The following KCNQ1 variants were observed in gnomAD, a reference collection of about 807,000 sequenced individuals.
The protein encoded by KCNQ1 is potassium voltage-gated channel subfamily KQT member 1.
In KCNQ1, 49 loss-of-function variants were observed where a neutral mutation model predicts 72.4. That is an observed-to-expected ratio of 0.68 (90% CI 0.54 to 0.86). The LOEUF is 0.86. KCNQ1 is among the 40% of genes least tolerant of loss of function. KCNQ1 has a pLI of 0.00. For synonymous variants in KCNQ1, 450 were observed against 412.6 expected, an observed-to-expected ratio of 1.09 and a Z score of -1.10; for missense variants, 790 against 945.1, an observed-to-expected ratio of 0.84 and a Z score of 2.15.
chr11:2,753,751 T>C (rs1487632182), intron 11 of KCNQ1, among the ~76,000 whole-genome samples: 1 of 152,202 alleles, frequency 6.6e-6, no homozygotes, highest in Admixed American at 6.5e-5. Context: ...CCCTGGACCT[T>C]ACTCTAGTTC....
At chr11:2,807,389 G>A (rs1001724648) in intron 15 of KCNQ1, among the ~76,000 whole-genome samples, 22 of 152,168 alleles carry the variant, frequency 1.4e-4, no homozygotes, top group African/African-American at 5.3e-4. Flanking sequence ...AGGCCGGGAG[G>A]GGACCCTCCA....
In KCNQ1 at chr11:2,585,214, G is replaced by A. The variant is rs534906627; in HGVS notation, c.1035G>A (p.Gly345=). 20 of 1,614,010 alleles carry A rather than the reference G, an allele frequency of 1.2e-5. No homozygotes were observed. The highest frequency in any genetic ancestry group is 1.7e-5 in the Non-Finnish European group (20 of 1,179,922). ...GCCTCCTGTCCATTCCTTCCCAGGG[G>A]ATTCTTGGCTCGGGGTTTGCCCTGA... ...FAISFFALPA[G]ILGSGFALKV... Residue 345 remains glycine, a splice_region_variant and synonymous_variant, in exon 8 of 16, where the codon GGG becomes GGA. Coordinates refer to ENST00000155840, the MANE Select transcript of KCNQ1 (RefSeq NM_000218.3).
chr11:2,554,840 G>A (rs150898393), intron 2 of KCNQ1, among the ~76,000 whole-genome samples: 27 of 152,268 alleles, frequency 1.8e-4, no homozygotes, highest in Admixed American at 1.0e-3. Flanking sequence ...AGCAAAATCC[G>A]TGCACAATTT....
Position 2,827,664 on chromosome 11 carries a change from A to T in KCNQ1, c.1795-20103A>T, listed in dbSNP as rs528980559. Among the ~76,000 whole-genome samples, 291 of 150,578 alleles carry T rather than the reference A, an allele frequency of 1.9e-3. 1 individual carries two copies. The highest frequency in any genetic ancestry group is 3.4e-3 in the Non-Finnish European group (229 of 67,770). On this transcript the variant is annotated intron_variant, in intron 15 of 15. Coordinates refer to ENST00000155840, the MANE Select transcript of KCNQ1 (RefSeq NM_000218.3). The surrounding 1 kb of genome is among the most constrained non-coding windows in gnomAD (Gnocchi z 6.7). ...GTCGGGGGGGCGGGGGAGAGCGGCT[A>T]TGGAGACAAGTGGCTGTTTTGCCAG...
At chr11:2,775,938 T>G (rs1370028797) in intron 12 of KCNQ1, 22 bp from the exon 13 acceptor site, 2 of 1,551,356 alleles carry the variant, frequency 1.3e-6, no homozygotes, top group African/African-American at 1.4e-5. Flanking sequence ...GGAGAAGTGA[T>G]GCGTGTCTTT....
Position 2,627,507 on chromosome 11 carries a change from G to A in KCNQ1, c.1394-34454G>A. 2.5e-6 allele frequency: 1 copy of A among 398,458 alleles called. No homozygotes were observed. The highest frequency in any genetic ancestry group is 4.4e-6 in the Non-Finnish European group (1 of 226,036). The allele number at this position is 398,458 out of a possible 1,614,324, so 24.7% of individuals were successfully genotyped here. A position where few individuals can be genotyped will look rare whatever the true frequency, so the allele number is the denominator to read the frequency against. On this transcript the variant is annotated intron_variant, in intron 10 of 15. Coordinates refer to ENST00000155840, the MANE Select transcript of KCNQ1 (RefSeq NM_000218.3). This position sits in a 1 kb window ranked among gnomAD's most constrained non-coding sequence, Gnocchi z 4.9. ...ACCCTTCTACTCTCCGTTTCTCTGA[G>A]TTCAAGCTTTTTAGAATTCCATATG...
In KCNQ1 at chr11:2,744,895, C is replaced by T. The variant is rs879717805; in HGVS notation, c.1515-23949C>T. Among the ~76,000 whole-genome samples, 54 of 152,080 alleles carry T rather than the reference C, an allele frequency of 3.6e-4. 2 individuals carry two copies. Among genetic ancestry groups the T allele is most frequent in the Non-Finnish European group, 4.4e-5 (3 of 68,026 alleles). On this transcript the variant is annotated intron_variant, in intron 11 of 15. Coordinates refer to ENST00000155840, the MANE Select transcript of KCNQ1 (RefSeq NM_000218.3). ...CTTCCCCACCTGCCCTGCAGCCATT[C>T]CATCCTGTCTATGGTGGTCGATGGT...
rs1263114845 is a variant in KCNQ1, at chr11:2,515,528, G to A, written c.387-12400G>A. On this transcript the variant is annotated intron_variant, in intron 1 of 15. Coordinates refer to ENST00000155840, the MANE Select transcript of KCNQ1 (RefSeq NM_000218.3). This position sits in a 1 kb window ranked among gnomAD's most constrained non-coding sequence, Gnocchi z 4.7. ...CGCAGCCGCCATCAGTGGGGGTGAGGGGACAAGGCTGCTGGGACCAGGCCT... is the reference window on the plus strand; with the variant it reads ...CGCAGCCGCCATCAGTGGGGGTGAGAGGACAAGGCTGCTGGGACCAGGCCT... Among the ~76,000 whole-genome samples, 4 of 152,114 alleles carry A rather than the reference G, an allele frequency of 2.6e-5. No individual in the cohort carries two copies. Among genetic ancestry groups the A allele is most frequent in the African/African-American group, 9.7e-5 (4 of 41,426 alleles).
rs1039888229 is a variant in KCNQ1 at position 2,578,682 on chromosome 11, G to A, written c.922-4753G>A. Among the ~76,000 whole-genome samples the A allele has an allele frequency of 9.2e-5, 14 of 152,376 alleles. No individual in the cohort carries two copies. The South Asian group carries it at 1.0e-3, about 11-fold the overall frequency. Reference sequence around the variant, plus strand: ...CATGGGATGTCCCGGAGCCCCTGCCGCCCTCCTTGGAGCTGTGGGGCTGAG... The same window carrying A: ...CATGGGATGTCCCGGAGCCCCTGCCACCCTCCTTGGAGCTGTGGGGCTGAG... On this transcript the variant is annotated intron_variant, in intron 6 of 15. Transcript: ENST00000155840.
chr11:2,710,430 C>G lies in KCNQ1; in HGVS notation c.1514+48349C>G, dbSNP rs1850983889. Among the ~76,000 whole-genome samples the G allele has an allele frequency of 6.6e-6, 1 of 152,030 alleles. No homozygotes were observed. Among genetic ancestry groups the G allele is most frequent in the Non-Finnish European group, 1.5e-5 (1 of 67,990 alleles). The stretch of plus-strand genomic sequence containing the variant: ...TATTTTCTTCCTTTTTGTGGGTTGT[C>G]TTTTCACTTTCTTGATCATGTCCTT... On this transcript the variant is annotated intron_variant, in intron 11 of 15. Coordinates refer to ENST00000155840, the MANE Select transcript of KCNQ1 (RefSeq NM_000218.3). This position sits in a 1 kb window ranked among gnomAD's most constrained non-coding sequence, Gnocchi z 4.1.
chr11:2,709,744 AC>A, intron 11 of KCNQ1, among the ~76,000 whole-genome samples: 1 of 152,044 alleles, frequency 6.6e-6, no homozygotes, highest in Non-Finnish European at 1.5e-5. Flanking sequence ...CACTAAGCAG[AC>A]TTTTGTGGCT....
chr11:2,847,712 T>C lies in KCNQ1; in HGVS notation c.1795-55T>C, dbSNP rs1468308461. 25 of 1,515,694 alleles carry C rather than the reference T, an allele frequency of 1.6e-5. No homozygotes were observed. The East Asian group carries it at 4.3e-4, about 26-fold the overall frequency. The allele number at this position is 1,515,694 out of a possible 1,614,324, so 93.9% of individuals were successfully genotyped here. On this transcript the variant is annotated intron_variant, in intron 15 of 15. Transcript: ENST00000155840. ...CCCAAACCTGGGCCCTGAGGCTGTC[T>C]GCACACCTGGGTGCTTCCCACCACT...
At chr11:2,819,831 C>T (rs572413570) in intron 15 of KCNQ1, among the ~76,000 whole-genome samples, 48 of 152,234 alleles carry the variant, frequency 3.2e-4, no homozygotes, top group South Asian at 2.9e-3. Flanking sequence ...GATTTTCTAC[C>T]ACATAAGCCA....
intron 10 of KCNQ1, chr11:2,649,314 T>C (rs952116317): frequency 2.5e-6 from 1 of 398,428 alleles, no homozygotes; most frequent in Non-Finnish European, 4.4e-6. Context: ...TGCAATTTTT[T>C]GGTTTTCTGT....
chr11:2,465,727 C>T (rs962223609), intron 1 of KCNQ1, among the ~76,000 whole-genome samples: 1 of 152,292 alleles, frequency 6.6e-6, no homozygotes, highest in Non-Finnish European at 1.5e-5. Context: ...AGAAGGTTTA[C>T]GGAGGAGTGG....
intron 11 of KCNQ1, among the ~76,000 whole-genome samples, chr11:2,717,735 C>T (rs183990131): frequency 1.1e-3 from 173 of 152,278 alleles, no homozygotes; most frequent in African/African-American, 3.6e-3. Context: ...CAGGAGGTGC[C>T]GCAGGGCAGC....
rs1455856043 is a variant in KCNQ1 at position 2,579,286 on chromosome 11, C to T, written c.922-4149C>T. Among the ~76,000 whole-genome samples the T allele has an allele frequency of 3.3e-5, 5 of 152,232 alleles. No homozygotes were observed. Among genetic ancestry groups the T allele is most frequent in the Admixed American group, 6.5e-5 (1 of 15,288 alleles). On this transcript the variant is annotated intron_variant, in intron 6 of 15. Transcript: ENST00000155840. The surrounding 1 kb of genome is among the most constrained non-coding windows in gnomAD (Gnocchi z 6.0). ...GGACTAGAAGGCTCCCCATGCCTCC[C>T]GCCCCTTCACATGGGAGTGAAGGCA...
At position 2,536,676 on chromosome 11, in the gene KCNQ1, G is replaced by A. The variant is rs1404770476; in HGVS notation, c.477+8658G>A. ...TGGGCTTCAAAACCGGACACAGGGC[G>A]TGGCTCTCCCTCCCAGCCTGCCAGA... On this transcript the variant is annotated intron_variant, in intron 2 of 15. Transcript: ENST00000155840. This position sits in a 1 kb window ranked among gnomAD's most constrained non-coding sequence, Gnocchi z 7.4. Among the ~76,000 whole-genome samples the A allele has an allele frequency of 6.6e-6, 1 of 152,164 alleles. No individual in the cohort carries two copies. The highest frequency in any genetic ancestry group is 1.5e-5 in the Non-Finnish European group (1 of 68,016).
chr11:2,832,450 G>A (rs1847971926), intron 15 of KCNQ1, among the ~76,000 whole-genome samples: 2 of 152,176 alleles, frequency 1.3e-5, no homozygotes, highest in South Asian at 2.1e-4. Context: ...GAGGAACCAG[G>A]ATACCCACAA....
Sources: gnomAD v4.1 joint callset for allele counts (sites outside exome capture counted in the v4.1 genomes callset) on GRCh38, gnomAD v4.1.1 for gene constraint, Gnocchi (gnomAD v3.1) non-coding constraint, MANE v1.5 for transcripts, NCBI Gene and HGNC (gene_info 2026-07-23, HGNC 2026-07-21) for gene names.